The following VWA3B variants were observed in gnomAD, a reference collection of about 807,000 sequenced individuals.
VWA3B encodes the protein von Willebrand factor A domain-containing protein 3B.
In VWA3B, 138 loss-of-function variants were observed where a neutral mutation model predicts 158.3. The observed-to-expected ratio is 0.87, with a 90% CI of 0.76 to 1.00. The LOEUF is 1.00. Ranked by LOEUF, VWA3B falls within the 50% of genes least tolerant of loss-of-function variation. The pLI is 0.00. For synonymous variants in VWA3B, 596 were observed against 587.3 expected (o/e 1.01, Z -0.21); for missense variants, 1,555 against 1,565.1 (o/e 0.99, Z 0.11).
chr2:98,133,993 G>C, intron 7 of VWA3B, 54 bp downstream of exon 7: 2 of 1,445,800 alleles, frequency 1.4e-6, no homozygotes, highest in South Asian at 2.3e-5. Context: ...AGCCTCAGAC[G>C]ACGTGGATCA....
At chr2:98,121,600 T>C (rs1365198767) in intron 5 of VWA3B, 142 bp downstream of exon 5, 47 of 1,148,442 alleles carry the variant, frequency 4.1e-5, no homozygotes, top group Non-Finnish European at 4.9e-5. Context: ...TGGGCACTGA[T>C]GGTGATGGCA....
intron 9 of VWA3B, among the ~76,000 whole-genome samples, chr2:98,182,188 C>A (rs1322169193): frequency 3.3e-5 from 5 of 152,218 alleles, no homozygotes; most frequent in Non-Finnish European, 7.3e-5. Flanking sequence ...CAAGGCCCCC[C>A]CCTCAAATGC....
At chr2:98,168,326 A>G (rs1446266317) in intron 8 of VWA3B, among the ~76,000 whole-genome samples, 1 of 151,990 alleles carries the variant, frequency 6.6e-6, no homozygotes, top group East Asian at 1.9e-4. Flanking sequence ...AGCCTCAGAT[A>G]TTGGACAATT....
chr2:98,279,326 AG>A (rs1310388178), intron 22 of VWA3B, among the ~76,000 whole-genome samples: 1 of 152,202 alleles, frequency 6.6e-6, no homozygotes, highest in East Asian at 1.9e-4. Flanking sequence ...ACTTAGAACC[AG>A]GCTGTCTTTT....
intron 25 of VWA3B, among the ~76,000 whole-genome samples, chr2:98,303,071 A>G (rs1057122701): frequency 6.6e-6 from 1 of 152,130 alleles, no homozygotes; most frequent in Non-Finnish European, 1.5e-5. Context: ...GATGTGTGGG[A>G]CCATTCTGGG....
intron 7 of VWA3B, among the ~76,000 whole-genome samples, chr2:98,147,336 A>G (rs1411826685): frequency 6.6e-6 from 1 of 152,216 alleles, no homozygotes; most frequent in South Asian, 2.1e-4. Context: ...CAGACATAAT[A>G]TAGACGATTT....
intron 5 of VWA3B, among the ~76,000 whole-genome samples, chr2:98,126,624 A>G (rs988969611): frequency 6.6e-6 from 1 of 152,242 alleles, no homozygotes; most frequent in African/African-American, 2.4e-5. Context: ...GCTACAAGGA[A>G]TCTGGAGAAG....
At chr2:98,167,692 T>C (rs1486147729) in intron 8 of VWA3B, among the ~76,000 whole-genome samples, 1 of 152,158 alleles carries the variant, frequency 6.6e-6, no homozygotes, top group Non-Finnish European at 1.5e-5. Context: ...CAAGAATTCA[T>C]TTGAATACTG....
At chr2:98,209,102 T>C (rs937942971) in intron 12 of VWA3B, among the ~76,000 whole-genome samples, 4 of 152,170 alleles carry the variant, frequency 2.6e-5, no homozygotes, top group African/African-American at 4.8e-5. Flanking sequence ...ATTGGTGCTC[T>C]TTTATAGGTA....
rs1681934687 is a variant in VWA3B at position 98,087,353 on chromosome 2, C to T, written c.-43C>T. 1 of 152,264 alleles carries T rather than the reference C, an allele frequency of 6.6e-6. No individual in the cohort carries two copies. The highest frequency in any genetic ancestry group is 2.4e-5 in the African/African-American group (1 of 41,452). The allele number at this position is 152,264 out of a possible 1,614,324, so 9.4% of individuals were successfully genotyped here. On this transcript the variant is annotated 5_prime_UTR_variant, in exon 1 of 28. Coordinates refer to ENST00000477737, the MANE Select transcript of VWA3B (RefSeq NM_144992.5). ...GGGAGCCGCCACGTCTTCCACCCGA[C>T]ATATTGCCTAGTAAGTGTGGGAGCG...
In VWA3B at chr2:98,254,344, C is replaced by T. The variant is rs962306080; in HGVS notation, c.2793-1780C>T. ...CACTCCCAGCCTCCACACTACACTG[C>T]CTCCACTCTCTACATTTACATTTAA... On this transcript the variant is annotated intron_variant, in intron 20 of 27. Transcript: ENST00000477737. 3.9e-5 allele frequency among the ~76,000 whole-genome samples: 6 copies of T among 152,262 alleles called. No homozygotes were observed. In the East Asian group the frequency reaches 1.2e-3, roughly 29 times the overall value.
intron 8 of VWA3B, 141 bp from the exon 9 acceptor site, chr2:98,180,875 G>A: frequency 1.2e-6 from 1 of 855,338 alleles, no homozygotes; most frequent in Admixed American, 2.9e-5. Context: ...TGCCAGTCCT[G>A]CTTTGGAAAG....
intron 12 of VWA3B, among the ~76,000 whole-genome samples, chr2:98,200,539 T>A (rs866334881): frequency 0.052 from 5,801 of 111,764 alleles, 189 homozygotes; most frequent in Non-Finnish European, 0.076. Flanking sequence ...CAAGACTCCA[T>A]CTCAAAAAAA....
At chr2:98,264,538 T>A (rs1010637698) in intron 21 of VWA3B, among the ~76,000 whole-genome samples, 2 of 152,192 alleles carry the variant, frequency 1.3e-5, no homozygotes, top group Admixed American at 1.3e-4. Flanking sequence ...CAGTTTTCCT[T>A]TTGTTATTAT....
chr2:98,278,021 C>T (rs925891378), intron 22 of VWA3B, among the ~76,000 whole-genome samples: 7 of 151,960 alleles, frequency 4.6e-5, no homozygotes, highest in African/African-American at 1.7e-4. Context: ...ACTGACTAGT[C>T]GGCCTTTCCA....
In VWA3B at chr2:98,187,922, C is replaced by A. The variant is rs370984766; in HGVS notation, c.1312-53C>A. ...CAGAGCTTAAGGTGCCATCTGGAGG[C>A]TCTTCTCTTTGGACAGTTTCTGAGT... On this transcript the variant is annotated intron_variant, in intron 9 of 27. Coordinates refer to ENST00000477737, the MANE Select transcript of VWA3B (RefSeq NM_144992.5). The A allele has an allele frequency of 2.4e-4, 359 of 1,511,278 alleles. 1 individual carries two copies. In the East Asian group the frequency reaches 4.3e-3, roughly 18 times the overall value. 93.6% of individuals were successfully genotyped at this position (1,511,278 alleles called of 1,614,324 possible). A position where few individuals can be genotyped will look rare whatever the true frequency, so the allele number is the denominator to read the frequency against.
chr2:98,269,464 C>T (rs1040037263), intron 21 of VWA3B: 2 of 152,170 alleles, frequency 1.3e-5, no homozygotes, highest in African/African-American at 4.8e-5. Context: ...CAAAATATGC[C>T]ACTGTTCTCA....
At chr2:98,306,630 T>C (rs139853388) in intron 26 of VWA3B, among the ~76,000 whole-genome samples, 56 of 152,340 alleles carry the variant, frequency 3.7e-4, no homozygotes, top group African/African-American at 1.3e-3. Flanking sequence ...CAGCTCATTA[T>C]AAAGGAATAT....
At chr2:98,176,507 T>TTTCTCTTCCTCCCTCCTTCC (rs1464432174) in intron 8 of VWA3B, among the ~76,000 whole-genome samples, 1 of 142,550 alleles carries the variant, frequency 7.0e-6, no homozygotes, top group Non-Finnish European at 1.5e-5. Flanking sequence ...CCCTCCCTTC[T>TTTCTCTTCCTCCCTCCTTCC]TTCTCTTCCT....
Sources: gnomAD v4.1 joint callset for allele counts (sites outside exome capture counted in the v4.1 genomes callset) on GRCh38, gnomAD v4.1.1 for gene constraint, MANE v1.5 for transcripts, NCBI Gene and HGNC (gene_info 2026-07-23, HGNC 2026-07-21) for gene names.